The following PTPA variants were observed in gnomAD, a reference collection of about 807,000 sequenced individuals.
PTPA encodes protein phosphatase 2 phosphatase activator.
A neutral mutation model predicts 43.6 loss-of-function variants in PTPA; 13 were observed. The ratio of observed to expected loss-of-function variants is 0.30; its 90% CI spans 0.19 to 0.47. The LOEUF (loss-of-function observed/expected upper bound fraction) is 0.47. Among genes scored for constraint, PTPA ranks in the 20% least tolerant of loss-of-function variants. The pLI is 0.99. For missense variants in PTPA, 329 were observed against 411.9 expected (o/e 0.80, Z 1.74); for synonymous variants, 172 against 158.2 (o/e 1.09, Z -0.66).
At chr9:129,136,390 T>C (rs1475779032) in intron 6 of PTPA, 81 bp from the exon 7 acceptor site, 1 of 1,449,652 alleles carries the variant, frequency 6.9e-7, no homozygotes, top group Non-Finnish European at 9.3e-7. Context: ...TTTTGGGGTC[T>C]CCTTGTGCTC....
At chr9:129,142,338 TTGTG>T (rs57365080) in intron 8 of PTPA, 103 bp from the exon 9 acceptor site, 84 of 794,274 alleles carry the variant, frequency 1.1e-4, no homozygotes, top group Middle Eastern at 3.2e-4. Context: ...GCGTGTGCGT[TTGTG>T]TGTGTGTGTG....
At chr9:129,143,589 C>T (rs1165338192) in intron 9 of PTPA, 2 of 629,294 alleles carry the variant, frequency 3.2e-6, no homozygotes, top group African/African-American at 1.8e-5. Flanking sequence ...GCTTGGCTCC[C>T]TGCACTTGGT....
At chr9:129,131,798 G>C (rs979387940) in intron 5 of PTPA, among the ~76,000 whole-genome samples, 159 bp downstream of exon 5, 2 of 152,194 alleles carry the variant, frequency 1.3e-5, no homozygotes, top group Non-Finnish European at 2.9e-5. Context: ...TGGCTTCACC[G>C]GCAGGGAGGG....
chr9:129,111,177 G>A (rs187439934), upstream of PTPA: 216 of 1,145,362 alleles, frequency 1.9e-4, no homozygotes, highest in African/African-American at 3.2e-3. Flanking sequence ...ATGACAGGTG[G>A]TACTCCGGGA....
chr9:129,124,118 C>T (rs572232651), intron 3 of PTPA, among the ~76,000 whole-genome samples: 29 of 152,336 alleles, frequency 1.9e-4, no homozygotes, highest in African/African-American at 7.0e-4. Flanking sequence ...ACCCAGCTTC[C>T]AGGGCAGCCC....
chr9:129,147,561 C>T lies in PTPA; in HGVS notation c.*97C>T. On this transcript the variant is annotated 3_prime_UTR_variant, in exon 10 of 10. Transcript: ENST00000393370. ...TCCCCATCCCCTCCCTCTGTTCGTCCCGTTTGATGAGAGGCTGTTTACTGG... is the reference window on the plus strand; with the variant it reads ...TCCCCATCCCCTCCCTCTGTTCGTCTCGTTTGATGAGAGGCTGTTTACTGG... The T allele has an allele frequency of 7.7e-7, 1 of 1,304,614 alleles. No individual in the cohort carries two copies. Among genetic ancestry groups the T allele is most frequent in the Non-Finnish European group, 1.1e-6 (1 of 928,622 alleles). The allele number at this position is 1,304,614 out of a possible 1,614,324, so 80.8% of individuals were successfully genotyped here. A position where few individuals can be genotyped will look rare whatever the true frequency, so the allele number is the denominator to read the frequency against.
intron 5 of PTPA, 31 bp from the exon 6 acceptor site, chr9:129,134,764 A>G (rs1248715822): frequency 6.5e-7 from 1 of 1,545,360 alleles, no homozygotes; most frequent in Non-Finnish European, 8.9e-7. Context: ...TACCTGGACT[A>G]CTGTCAACGC....
In PTPA at chr9:129,111,609, G is replaced by A; in HGVS notation, c.9G>A (p.Glu3=). The A allele has an allele frequency of 7.8e-7, 1 of 1,280,042 alleles. No homozygotes were observed. The highest frequency in any genetic ancestry group is 9.9e-7 in the Non-Finnish European group (1 of 1,005,174). The allele number at this position is 1,280,042 out of a possible 1,614,324, so 79.3% of individuals were successfully genotyped here. A position where few individuals can be genotyped will look rare whatever the true frequency, so the allele number is the denominator to read the frequency against. MA[E]GERQPPPDSS... ...CTCCTGGCCGGAGCAAGATGGCTGA[G>A]GGCGAGCGGCAGCCGCCGCCAGGTA... Residue 3 remains glutamate, a synonymous_variant, in exon 1 of 10, where the codon GAG becomes GAA. Coordinates refer to ENST00000393370, the MANE Select transcript of PTPA (RefSeq NM_178000.3).
chr9:129,140,640 C>G (rs1850724937), intron 8 of PTPA, among the ~76,000 whole-genome samples: 1 of 152,174 alleles, frequency 6.6e-6, no homozygotes, highest in Admixed American at 6.5e-5. Context: ...CCCTGGCAGA[C>G]AAAGCCGACA....
chr9:129,141,798 C>T (rs1039387782), intron 8 of PTPA: 2 of 152,330 alleles, frequency 1.3e-5, no homozygotes, highest in Non-Finnish European at 2.9e-5. Flanking sequence ...TCCCATCGGC[C>T]CTCTCTTCCC....
At chr9:129,122,713 C>T (rs1017284000) in intron 2 of PTPA, among the ~76,000 whole-genome samples, 1 of 152,184 alleles carries the variant, frequency 6.6e-6, no homozygotes, top group Non-Finnish European at 1.5e-5. Context: ...CGGATCACTT[C>T]TCTTGAAATC....
chr9:129,120,602 C>T lies in PTPA; in HGVS notation c.121C>T (p.Arg41Cys), dbSNP rs200345986. The change falls in exon 2 of 10, where the codon CGT (arginine) becomes TGT (cysteine). Residue 41 changes from arginine (R) to cysteine (C), a missense_variant. Arg to Cys is a radical substitution (Grantham distance 180). Transcript: ENST00000393370. ...HTVPDMGKWKRSQAYADYIGF... is the reference protein window; with the variant it reads ...HTVPDMGKWKCSQAYADYIGF... ...AGTTCCAGACATGGGCAAATGGAAG[C>T]GTTCTCAGGTACCATTTGGAACTGT... The T allele has an allele frequency of 1.1e-4, 174 of 1,611,656 alleles. No individual in the cohort carries two copies. Among genetic ancestry groups the T allele is most frequent in the Non-Finnish European group, 1.3e-4 (157 of 1,177,946 alleles).
intron 8 of PTPA, 161 bp from the exon 9 acceptor site, chr9:129,142,284 A>G (rs1444543590): frequency 5.3e-6 from 3 of 570,312 alleles, no homozygotes; most frequent in Non-Finnish European, 8.8e-6. Context: ...CCCCTCAGGC[A>G]GATGCTATAG....
At chr9:129,133,418 G>T (rs1366656078) in intron 5 of PTPA, among the ~76,000 whole-genome samples, 1 of 152,204 alleles carries the variant, frequency 6.6e-6, no homozygotes, top group African/African-American at 2.4e-5. Flanking sequence ...GCCCTGTCTG[G>T]TCATAATTGG....
intron 1 of PTPA, among the ~76,000 whole-genome samples, chr9:129,113,360 G>T (rs977234337): frequency 2.3e-4 from 35 of 151,610 alleles, no homozygotes; most frequent in Non-Finnish European, 4.7e-4. Context: ...AAAGTGCTGG[G>T]ATTACAGGCA....
At chr9:129,111,715 C>A in intron 1 of PTPA, 84 bp downstream of exon 1, 1 of 1,242,508 alleles carries the variant, frequency 8.0e-7, no homozygotes, top group South Asian at 3.6e-5. Context: ...GGGCGAGAGT[C>A]ATGACACGGA....
intron 6 of PTPA, among the ~76,000 whole-genome samples, chr9:129,135,298 CAGA>C (rs1850293039): frequency 6.6e-6 from 1 of 152,028 alleles, no homozygotes; most frequent in African/African-American, 2.4e-5. Flanking sequence ...GAGGCTGAGG[CAGA>C]AGAATTGCTT....
At chr9:129,131,417 C>T in intron 4 of PTPA, 105 bp from the exon 5 acceptor site, 1 of 953,950 alleles carries the variant, frequency 1.0e-6, no homozygotes, top group Non-Finnish European at 1.7e-6. Flanking sequence ...CCAAGCTGGC[C>T]TGGCAAGGCA....
intron 9 of PTPA, among the ~76,000 whole-genome samples, chr9:129,143,903 C>T (rs933054078): frequency 3.9e-5 from 6 of 151,916 alleles, no homozygotes; most frequent in African/African-American, 1.2e-4. Flanking sequence ...AACTCTCACT[C>T]TGCTGTGCCC....
Sources: allele counts gnomAD v4.1 joint callset (sites outside exome capture counted in the v4.1 genomes callset), GRCh38; gene constraint gnomAD v4.1.1; transcripts MANE v1.5; gene names NCBI Gene and HGNC (gene_info 2026-07-23, HGNC 2026-07-21).